ADCY2: variants seen among roughly 807,000 people sequenced by gnomAD.
The protein encoded by ADCY2 is adenylate cyclase type 2.
Under a neutral mutation model 125.2 loss-of-function variants are expected in ADCY2, and 31 were observed. The observed-to-expected ratio is 0.25, with a 90% CI of 0.19 to 0.33. ADCY2 has a LOEUF of 0.33. ADCY2 is among the 10% of genes least tolerant of loss of function. The pLI, the probability that ADCY2 is intolerant of heterozygous loss-of-function variation, is 1.00. For missense variants in ADCY2, 904 were observed against 1,418.2 expected (o/e 0.64, Z 5.82); for synonymous variants, 512 against 548.4 (o/e 0.93, Z 0.93).
At chr5:7,561,302 C>G (rs1457330518) in intron 3 of ADCY2, among the ~76,000 whole-genome samples, 4 of 152,172 alleles carry the variant, frequency 2.6e-5, no homozygotes, top group Non-Finnish European at 4.4e-5. Context: ...ATAGCATGTA[C>G]TTACGCAAAC....
intron 2 of ADCY2, among the ~76,000 whole-genome samples, chr5:7,514,922 G>A (rs1015881360): frequency 6.6e-6 from 1 of 152,208 alleles, no homozygotes; most frequent in African/African-American, 2.4e-5. Context: ...TCCCAACTGT[G>A]AGAGAAAAAT....
At position 7,427,438 on chromosome 5, in the gene ADCY2, C is replaced by T. The variant is rs531482185; in HGVS notation, c.408+12668C>T. Among the ~76,000 whole-genome samples the T allele has an allele frequency of 5.3e-5, 8 of 152,298 alleles. No individual in the cohort carries two copies. In the East Asian group the frequency reaches 9.6e-4, roughly 18 times the overall value. On this transcript the variant is annotated intron_variant, in intron 2 of 24. Coordinates refer to ENST00000338316, the MANE Select transcript of ADCY2 (RefSeq NM_020546.3). ...GCAAGGCACCTTCTTCACAAGACAG[C>T]AGCAGGGAGAAGTGCAAGAGGCTTA...
intron 2 of ADCY2, among the ~76,000 whole-genome samples, chr5:7,446,289 T>C (rs1375100824): frequency 6.6e-6 from 1 of 152,224 alleles, no homozygotes; most frequent in Non-Finnish European, 1.5e-5. Flanking sequence ...GAAACTTGAT[T>C]GTTCGTTGTA....
chr5:7,808,626 C>A (rs1744832479), intron 22 of ADCY2, among the ~76,000 whole-genome samples: 1 of 152,152 alleles, frequency 6.6e-6, no homozygotes, highest in Non-Finnish European at 1.5e-5. Context: ...GGGCTCAGAC[C>A]TGGGTGTATC....
At chr5:7,543,416 ATCT>A (rs1021351817) in intron 3 of ADCY2, among the ~76,000 whole-genome samples, 16 of 152,128 alleles carry the variant, frequency 1.1e-4, no homozygotes, top group South Asian at 2.1e-4. Context: ...GAAAAAATAA[ATCT>A]TCTTATTTGA....
At chr5:7,761,778 TGACA>T (rs886742611) in intron 16 of ADCY2, among the ~76,000 whole-genome samples, 3 of 152,228 alleles carry the variant, frequency 2.0e-5, no homozygotes, top group Non-Finnish European at 2.9e-5. Flanking sequence ...TAGTCATGAT[TGACA>T]GACAGTTCAG....
At chr5:7,645,646 C>T (rs983734247) in intron 4 of ADCY2, among the ~76,000 whole-genome samples, 7 of 152,112 alleles carry the variant, frequency 4.6e-5, no homozygotes, top group Non-Finnish European at 8.8e-5. Context: ...TCCTTCTTTA[C>T]ATCACTATTT....
chr5:7,530,826 G>A (rs938660946), intron 3 of ADCY2, among the ~76,000 whole-genome samples: 11 of 151,870 alleles, frequency 7.2e-5, no homozygotes, highest in Non-Finnish European at 7.4e-5. Flanking sequence ...TCATCTCCAC[G>A]TATTTACACA....
intron 3 of ADCY2, among the ~76,000 whole-genome samples, chr5:7,578,569 A>G (rs1307060528): frequency 6.6e-6 from 1 of 152,126 alleles, no homozygotes; most frequent in Non-Finnish European, 1.5e-5. Context: ...GTTTTTTTGC[A>G]ATAAATTTTC....
At chr5:7,538,957 G>A (rs1271837419) in intron 3 of ADCY2, among the ~76,000 whole-genome samples, 3 of 147,392 alleles carry the variant, frequency 2.0e-5, no homozygotes, top group East Asian at 2.0e-4. Flanking sequence ...TCTGCCTCCC[G>A]GGTTCAAGTG....
intron 4 of ADCY2, among the ~76,000 whole-genome samples, chr5:7,651,137 T>C (rs924971085): frequency 1.3e-5 from 2 of 152,164 alleles, no homozygotes; most frequent in Non-Finnish European, 2.9e-5. Flanking sequence ...TCTTTAAAAC[T>C]GTTTGTCCAG....
chr5:7,510,256 A>G (rs2126517819), intron 2 of ADCY2, among the ~76,000 whole-genome samples: 1 of 152,364 alleles, frequency 6.6e-6, no homozygotes, highest in Non-Finnish European at 1.5e-5. Context: ...TTCCTAGTTC[A>G]CTGATTCATT....
rs73047981 is a variant in ADCY2 at position 7,695,556 on chromosome 5, A to G, written c.870-196A>G. On this transcript the variant is annotated intron_variant, in intron 5 of 24. Transcript: ENST00000338316. ...TGCTTCACTCCCCATCTTAACTACA[A>G]AAGTTTAACCTCAAAAAATGTTTAA... Among the ~76,000 whole-genome samples the G allele has an allele frequency of 0.042, 6,378 of 152,274 alleles. 451 individuals are homozygous for G. Among genetic ancestry groups the G allele is most frequent in the African/African-American group, 0.14 (5,974 of 41,538 alleles).
At chr5:7,730,520 A>G (rs1042650735) in intron 14 of ADCY2, among the ~76,000 whole-genome samples, 6 of 152,120 alleles carry the variant, frequency 3.9e-5, no homozygotes, top group Admixed American at 6.5e-5. Context: ...AAATTTATTT[A>G]TATTTTTGGT....
chr5:7,677,896 G>A (rs1740188290), intron 4 of ADCY2, among the ~76,000 whole-genome samples: 1 of 152,150 alleles, frequency 6.6e-6, no homozygotes, highest in South Asian at 2.1e-4. Context: ...GTGCATAGCT[G>A]GTGAGAATAA....
At chr5:7,748,350 G>A (rs1278429606) in intron 15 of ADCY2, among the ~76,000 whole-genome samples, 1 of 152,120 alleles carries the variant, frequency 6.6e-6, no homozygotes, top group African/African-American at 2.4e-5. Flanking sequence ...TACATCGGAT[G>A]CTATTTAGCA....
At chr5:7,790,578 C>T (rs897411310) in intron 20 of ADCY2, among the ~76,000 whole-genome samples, 1 of 152,202 alleles carries the variant, frequency 6.6e-6, no homozygotes, top group South Asian at 2.1e-4. Context: ...CAAAGCCCTG[C>T]GCTCATTTCT....
intron 3 of ADCY2, among the ~76,000 whole-genome samples, chr5:7,620,352 T>C (rs1737914637): frequency 6.6e-6 from 1 of 152,226 alleles, no homozygotes; most frequent in African/African-American, 2.4e-5. Flanking sequence ...AAAGCCCTAA[T>C]AACATCCATT....
intron 3 of ADCY2, among the ~76,000 whole-genome samples, chr5:7,612,843 C>G (rs180762121): frequency 4.6e-5 from 7 of 152,060 alleles, no homozygotes; most frequent in Non-Finnish European, 7.4e-5. Context: ...GGTGAAACCC[C>G]GTCTCTACTG....
Sources: allele counts gnomAD v4.1 joint callset (sites outside exome capture counted in the v4.1 genomes callset), GRCh38; gene constraint gnomAD v4.1.1; transcripts MANE v1.5; gene names NCBI Gene and HGNC (gene_info 2026-07-23, HGNC 2026-07-21).